ETFA: variants seen among roughly 807,000 people sequenced by gnomAD.
ETFA encodes the protein electron transfer flavoprotein subunit alpha, mitochondrial.
A neutral mutation model predicts 46.2 loss-of-function variants in ETFA; 22 were observed. The ratio of observed to expected loss-of-function variants is 0.48; its 90% confidence interval spans 0.34 to 0.68. ETFA has a LOEUF of 0.68. Ranked by LOEUF, ETFA falls within the 30% of genes least tolerant of loss-of-function variation. The probability of loss-of-function intolerance (pLI) is 0.01; values close to 1 mark genes in which losing one functional copy is unlikely to be tolerated. For missense variants in ETFA, 345 were observed against 401.1 expected, an observed-to-expected ratio of 0.86 and a Z score of 1.19; for synonymous variants, 131 against 139.9, an observed-to-expected ratio of 0.94 and a Z score of 0.45.
At chr15:76,270,912 G>A (rs1224693233) in intron 9 of ETFA, among the ~76,000 whole-genome samples, 1 of 152,126 alleles carries the variant, frequency 6.6e-6, no homozygotes, top group East Asian at 1.9e-4. Flanking sequence ...GCTCATGCTT[G>A]TAATCCCAGC....
chr15:76,261,548 C>T, intron 9 of ETFA: 1 of 617,240 alleles, frequency 1.6e-6, no homozygotes, highest in Non-Finnish European at 2.9e-6. Flanking sequence ...GTCAGCTTTG[C>T]CGGGACTCCC....
chr15:76,231,879 C>T (rs960034408), intron 9 of ETFA, among the ~76,000 whole-genome samples: 20 of 152,180 alleles, frequency 1.3e-4, no homozygotes, highest in South Asian at 4.2e-4. Flanking sequence ...CTTAGTTGTT[C>T]GCCTTATCAC....
At chr15:76,270,978 T>C (rs904509676) in intron 9 of ETFA, among the ~76,000 whole-genome samples, 9 of 152,128 alleles carry the variant, frequency 5.9e-5, no homozygotes, top group African/African-American at 2.2e-4. Context: ...CAGACCAGCC[T>C]AGCCAATATG....
intron 10 of ETFA, chr15:76,230,231 T>TTTTC (rs1476583442): frequency 9.5e-5 from 2 of 21,130 alleles, no homozygotes; most frequent in African/African-American, 1.6e-4. Flanking sequence ...TTTTTTTTTT[T>TTTTC]TTTTTTTTTT....
intron 8 of ETFA, among the ~76,000 whole-genome samples, chr15:76,283,214 C>T (rs997789795): frequency 1.3e-5 from 2 of 152,130 alleles, no homozygotes; most frequent in African/African-American, 4.8e-5. Context: ...ATTTTTGAGA[C>T]AGGGTCTCAC....
rs1200602185 is a variant in ETFA at position 76,221,953 on chromosome 15, C to T, written c.963+3896G>A. On this transcript the variant is annotated intron_variant, in intron 11 of 11. Coordinates refer to ENST00000557943, the MANE Select transcript of ETFA (RefSeq NM_000126.4). ...CGGTTCTACTTGGTGAGCAAAATAT[C>T]ACCTAGGGAATTATTAGTCTAACAG... Among the ~76,000 whole-genome samples, 3 of 152,226 alleles carry T rather than the reference C, an allele frequency of 2.0e-5. No individual in the cohort carries two copies. In the East Asian group the frequency reaches 5.8e-4, roughly 29 times the overall value.
intron 9 of ETFA, chr15:76,261,621 G>C: frequency 2.3e-6 from 1 of 432,502 alleles, no homozygotes; most frequent in East Asian, 4.3e-5. Flanking sequence ...AGAGCCGCCA[G>C]CAGCAGCCCC....
Position 76,292,623 on chromosome 15 carries a change from A to T in ETFA, c.264T>A (p.Leu88=), listed in dbSNP as rs1405829462. 2 of 1,612,744 alleles carry T rather than the reference A, an allele frequency of 1.2e-6. No homozygotes were observed. Among genetic ancestry groups the T allele is most frequent in the African/African-American group, 2.7e-5 (2 of 74,922 alleles). The change falls in exon 3 of 12, where the codon CTT becomes CTA. Residue 88 remains leucine (L), a synonymous_variant. Coordinates refer to ENST00000557943, the MANE Select transcript of ETFA (RefSeq NM_000126.4). ...VAQHDVYKGL[L]PEELTPLILA... Reference sequence around the variant, plus strand: ...TTTTCTACTGGAAAACCTCACCTGGAAGTAGGCCTTTGTACACATCATGCT... The same window carrying T: ...TTTTCTACTGGAAAACCTCACCTGGTAGTAGGCCTTTGTACACATCATGCT...
intron 1 of ETFA, among the ~76,000 whole-genome samples, chr15:76,309,256 C>A (rs185914387): frequency 4.6e-5 from 7 of 152,064 alleles, no homozygotes; most frequent in Admixed American, 4.6e-4. Flanking sequence ...GAGACCATAC[C>A]GGCTAACACA....
chr15:76,238,160 G>A (rs1183784816), intron 9 of ETFA, among the ~76,000 whole-genome samples: 1 of 152,152 alleles, frequency 6.6e-6, no homozygotes, highest in East Asian at 1.9e-4. Flanking sequence ...TATTCTGCCT[G>A]CAGCAACTTC....
chr15:76,293,852 G>T (rs1423887277), intron 2 of ETFA, among the ~76,000 whole-genome samples: 2 of 152,222 alleles, frequency 1.3e-5, no homozygotes, highest in African/African-American at 4.8e-5. Context: ...CTTTATTATG[G>T]ATGCAGCTGC....
chr15:76,227,514 T>TGAAAAAAAAAAAA (rs1352895839), intron 10 of ETFA, among the ~76,000 whole-genome samples: 1 of 6,292 alleles, frequency 1.6e-4, no homozygotes, highest in Non-Finnish European at 2.9e-4. Flanking sequence ...AGACTCTGTC[T>TGAAAAAAAAAAAA]CAAAAAAAAA....
At chr15:76,223,379 G>A (rs1190081284) in intron 11 of ETFA, among the ~76,000 whole-genome samples, 2 of 151,668 alleles carry the variant, frequency 1.3e-5, no homozygotes, top group Non-Finnish European at 2.9e-5. Context: ...CACCATGCTC[G>A]GCTAATGTGT....
At chr15:76,307,653 A>AT (rs59145569) in intron 1 of ETFA, among the ~76,000 whole-genome samples, 14,566 of 148,876 alleles carry the variant, frequency 0.098, 837 homozygotes, top group African/African-American at 0.15. Context: ...CGCCTGGCTA[A>AT]TTTTTTTTTT....
chr15:76,226,132 T>C lies in ETFA; in HGVS notation c.883-203A>G. On this transcript the variant is annotated intron_variant, in intron 10 of 11. Transcript: ENST00000557943. ...TTCTCTCTTACCCACATCTAGCCCA[T>C]CTCAGTATTAAAGAGTTTAAAATCA... 5.4e-6 allele frequency: 3 copies of C among 557,000 alleles called. 1 individual carries two copies. The highest frequency in any genetic ancestry group is 9.5e-6 in the Non-Finnish European group (3 of 315,206). The allele number at this position is 557,000 out of a possible 1,614,324, so 34.5% of individuals were successfully genotyped here. A position where few individuals can be genotyped will look rare whatever the true frequency, so the allele number is the denominator to read the frequency against.
In ETFA at chr15:76,269,147, C is replaced by T. The variant is rs562750203; in HGVS notation, c.816+5265G>A. 1.6e-4 allele frequency among the ~76,000 whole-genome samples: 24 copies of T among 152,230 alleles called. No individual in the cohort carries two copies. The East Asian group carries it at 4.2e-3, about 27-fold the overall frequency. ...GCTGTCTCCTTTTAGTCTGCAGATG[C>T]GGAAGCCACCGCTGGAGAGAAAGCT... On this transcript the variant is annotated intron_variant, in intron 9 of 11. Coordinates refer to ENST00000557943, the MANE Select transcript of ETFA (RefSeq NM_000126.4).
intron 9 of ETFA, chr15:76,259,398 A>G: frequency 7.3e-7 from 1 of 1,361,478 alleles, no homozygotes; most frequent in Non-Finnish European, 1.1e-6. Context: ...TGAAGGCCTA[A>G]GGAGACCTTG....
rs1288749761 is a variant in ETFA, at chr15:76,311,268, C to G, written c.39+82G>C. Reference sequence around the variant, plus strand: ...CGAGGGCTGGTCGAATCTGAGGGGGCCAGTGATCTTTGCAAGACCCCATAG... The same window carrying G: ...CGAGGGCTGGTCGAATCTGAGGGGGGCAGTGATCTTTGCAAGACCCCATAG... On this transcript the variant is annotated intron_variant, in intron 1 of 11. Transcript: ENST00000557943. 2.1e-6 allele frequency: 3 copies of G among 1,460,512 alleles called. No individual in the cohort carries two copies. The East Asian group carries it at 7.7e-5, about 37-fold the overall frequency. 90.5% of individuals were successfully genotyped at this position (1,460,512 alleles called of 1,614,324 possible). A position where few individuals can be genotyped will look rare whatever the true frequency, so the allele number is the denominator to read the frequency against.
chr15:76,285,596 T>G (rs1324528858), intron 7 of ETFA, 41 bp downstream of exon 7: 1 of 1,081,600 alleles, frequency 9.2e-7, no homozygotes, highest in Non-Finnish European at 1.4e-6. Flanking sequence ...AAAATCAAAG[T>G]ATTTTCAATT....
Sources: allele counts gnomAD v4.1 joint callset (sites outside exome capture counted in the v4.1 genomes callset), GRCh38; gene constraint gnomAD v4.1.1; transcripts MANE v1.5; gene names NCBI Gene and HGNC (gene_info 2026-07-23, HGNC 2026-07-21).